PTPN14: variants seen among roughly 807,000 people sequenced by gnomAD.
PTPN14 encodes the protein protein tyrosine phosphatase non-receptor type 14.
Under a neutral mutation model 126.8 loss-of-function variants are expected in PTPN14, and 53 were observed. The ratio of observed to expected loss-of-function variants is 0.42; its 90% CI spans 0.34 to 0.53. The LOEUF (loss-of-function observed/expected upper bound fraction) is 0.53, where lower values mean the gene tolerates loss of function less well. Among genes scored for constraint, PTPN14 ranks in the 20% least tolerant of loss-of-function variants. The pLI, the probability that PTPN14 is intolerant of heterozygous loss-of-function variation, is 0.08. For synonymous variants in PTPN14, 630 were observed against 599.3 expected (o/e 1.05, Z -0.75); for missense variants, 1,257 against 1,552.9 (o/e 0.81, Z 3.20).
At chr1:214,462,572 T>A (rs1484424004) in intron 2 of PTPN14, among the ~76,000 whole-genome samples, 1 of 152,206 alleles carries the variant, frequency 6.6e-6, no homozygotes, top group Non-Finnish European at 1.5e-5. Flanking sequence ...GCTATGTTCA[T>A]CTTCCATCAA....
intron 1 of PTPN14, among the ~76,000 whole-genome samples, chr1:214,537,978 C>A (rs934505589): frequency 1.3e-5 from 2 of 151,944 alleles, no homozygotes; most frequent in African/African-American, 4.8e-5. Context: ...AGATATTTTA[C>A]TTTTTTTTGA....
At chr1:214,423,936 G>A (rs12088748) in intron 3 of PTPN14, among the ~76,000 whole-genome samples, 64,907 of 151,804 alleles carry the variant, frequency 0.43, 14,400 homozygotes, top group East Asian at 0.48. Flanking sequence ...AGCAGAGTTC[G>A]CGCCACTGCA....
At chr1:214,501,343 G>C (rs751741746) in intron 1 of PTPN14, among the ~76,000 whole-genome samples, 13 of 152,092 alleles carry the variant, frequency 8.5e-5, no homozygotes, top group Non-Finnish European at 1.6e-4. Context: ...AGGTTCAAGT[G>C]ATTCTCCTGC....
At chr1:214,390,667 CACA>C (rs1658728065) in intron 11 of PTPN14, among the ~76,000 whole-genome samples, 1 of 152,140 alleles carries the variant, frequency 6.6e-6, no homozygotes, top group East Asian at 1.9e-4. Flanking sequence ...TGTATCTTCA[CACA>C]ACAACCAGAA....
At chr1:214,532,360 CCCGGGGCCTGG>C in intron 1 of PTPN14, 1 of 581,732 alleles carries the variant, frequency 1.7e-6, no homozygotes, top group Non-Finnish European at 3.1e-6. Flanking sequence ...GGCTTGGGGT[CCCGGGGCCTGG>C]CCGCAGGGAT....
rs774726422 is a variant in PTPN14, at chr1:214,364,616, T to C, written c.3331A>G (p.Lys1111Glu). 1.2e-6 allele frequency: 2 copies of C among 1,614,028 alleles called. No homozygotes were observed. The highest frequency in any genetic ancestry group is 1.7e-6 in the Non-Finnish European group (2 of 1,180,018). The change falls in exon 18 of 19, where the codon AAG becomes GAG. Residue 1111 changes from lysine (K) to glutamate (E), a missense_variant. This residue lies in a region of PTPN14 where 171 missense variants were observed against 229.8 expected (regional missense o/e 0.74). Transcript: ENST00000366956. This position sits in a 1 kb window ranked among gnomAD's most constrained non-coding sequence, Gnocchi z 4.1. ...ACCACGATGGGCGGGTGCCGGTTCT[T>C]GGTGCCTTCCAGCATGCTGTTGGTA... Reference protein sequence around the residue: ...RHTNSMLEGTKNRHPPIVVHC... With the variant: ...RHTNSMLEGTENRHPPIVVHC...
At chr1:214,516,899 C>T (rs745818793) in intron 1 of PTPN14, among the ~76,000 whole-genome samples, 4 of 152,120 alleles carry the variant, frequency 2.6e-5, no homozygotes, top group Non-Finnish European at 5.9e-5. Flanking sequence ...ACTCCACCTA[C>T]GCTACGCACC....
chr1:214,372,010 A>T (rs997450225), intron 16 of PTPN14, among the ~76,000 whole-genome samples: 7 of 152,228 alleles, frequency 4.6e-5, no homozygotes, highest in African/African-American at 1.7e-4. Context: ...ATTTAATGAA[A>T]GAAATAAAAG....
chr1:214,402,782 G>T, intron 6 of PTPN14, 101 bp downstream of exon 6: 1 of 1,317,754 alleles, frequency 7.6e-7, no homozygotes, highest in Non-Finnish European at 1.1e-6. Flanking sequence ...CAAGTGTGTT[G>T]GCTCAAGCCC....
chr1:214,409,533 T>TGATCATGGG (rs1170002818), intron 5 of PTPN14, among the ~76,000 whole-genome samples: 2 of 152,094 alleles, frequency 1.3e-5, no homozygotes, highest in Non-Finnish European at 2.9e-5. Context: ...ATCATGGGAG[T>TGATCATGGG]GTAGACATCT....
At chr1:214,473,154 T>A (rs946605935) in intron 1 of PTPN14, among the ~76,000 whole-genome samples, 1 of 125,866 alleles carries the variant, frequency 7.9e-6, no homozygotes, top group Non-Finnish European at 1.8e-5. Flanking sequence ...TTAAAAAAAA[T>A]TTCAAAGTTA....
chr1:214,443,042 C>T (rs1035079713), intron 3 of PTPN14, among the ~76,000 whole-genome samples: 1 of 152,114 alleles, frequency 6.6e-6, no homozygotes, highest in Non-Finnish European at 1.5e-5. Flanking sequence ...AGACTGGTCT[C>T]GAACTCCCGA....
chr1:214,518,838 G>A (rs1655172807), intron 1 of PTPN14, among the ~76,000 whole-genome samples: 1 of 152,228 alleles, frequency 6.6e-6, no homozygotes, highest in Non-Finnish European at 1.5e-5. Context: ...TTTATGTTCA[G>A]GCAGCAAGAT....
chr1:214,377,973 G>A lies in PTPN14; in HGVS notation c.2674C>T (p.Pro892Ser), dbSNP rs1355186250. Residue 892 changes from proline (P) to serine (S), a missense_variant, in exon 14 of 19, where the codon CCC becomes TCC. Around this residue, in one of 3 missense-constraint regions of PTPN14, gnomAD observed 1,021 missense variants for 1,183.3 expected, o/e 0.86. Transcript: ENST00000366956. ...CTGCCACTTACCCTCTCGTCCATGGGAACCCGGGTGGCATCAACTCGATTC... is the reference window on the plus strand; with the variant it reads ...CTGCCACTTACCCTCTCGTCCATGGAAACCCGGGTGGCATCAACTCGATTC... ...EENRVDATRVPMDERFRTLKK... is the reference protein window; with the variant it reads ...EENRVDATRVSMDERFRTLKK... 19 of 1,612,150 alleles carry A rather than the reference G, an allele frequency of 1.2e-5. No individual in the cohort carries two copies. Among genetic ancestry groups the A allele is most frequent in the Non-Finnish European group, 1.6e-5 (19 of 1,179,222 alleles).
chr1:214,540,921 ACT>A (rs1285416252), intron 1 of PTPN14, among the ~76,000 whole-genome samples: 2 of 152,064 alleles, frequency 1.3e-5, no homozygotes, highest in African/African-American at 4.8e-5. Context: ...TTTTGGACAC[ACT>A]CTTAAAAAAA....
In PTPN14 at chr1:214,383,385, G is replaced by C; in HGVS notation, c.2470C>G (p.Pro824Ala). 1 of 1,614,226 alleles carries C rather than the reference G, an allele frequency of 6.2e-7. No individual in the cohort carries two copies. The highest frequency in any genetic ancestry group is 8.5e-7 in the Non-Finnish European group (1 of 1,180,046). ...TCAGACACAGGTCTCTCCTTCACAGGCTCTTTTTTGACCCGCTCCTTCACA... is the reference window on the plus strand; with the variant it reads ...TCAGACACAGGTCTCTCCTTCACAGCCTCTTTTTTGACCCGCTCCTTCACA... ...TSVKERVKKE[P>A]VKERPVSEMF... Residue 824 changes from proline (P) to alanine (A), a missense_variant, in exon 13 of 19, where the codon CCT (proline) becomes GCT (alanine). Pro to Ala is a conservative substitution (Grantham distance 27, BLOSUM62 -1). Around this residue, in one of 3 missense-constraint regions of PTPN14, gnomAD observed 1,021 missense variants for 1,183.3 expected, o/e 0.86. Coordinates refer to ENST00000366956, the MANE Select transcript of PTPN14 (RefSeq NM_005401.5). The surrounding 1 kb of genome is among the most constrained non-coding windows in gnomAD (Gnocchi z 4.4).
chr1:214,364,455 AG>A lies in PTPN14; in HGVS notation c.3435+56del. ...CAAGGGTGCAGGCAAAGGTTTGGCC[AG>A]GGTGTAGACTTGTCCCCAAGGTGGA... On this transcript the variant is annotated intron_variant, in intron 18 of 18. Coordinates refer to ENST00000366956, the MANE Select transcript of PTPN14 (RefSeq NM_005401.5). The surrounding 1 kb of genome is among the most constrained non-coding windows in gnomAD (Gnocchi z 4.1). The A allele has an allele frequency of 6.4e-7, 1 of 1,564,542 alleles. No homozygotes were observed. Among genetic ancestry groups the A allele is most frequent in the Non-Finnish European group, 8.7e-7 (1 of 1,151,372 alleles).
intron 17 of PTPN14, among the ~76,000 whole-genome samples, chr1:214,369,245 T>C (rs1019543383): frequency 6.6e-6 from 1 of 152,230 alleles, no homozygotes; most frequent in Non-Finnish European, 1.5e-5. Context: ...ATCACAGTCT[T>C]AGCTTACGTG....
chr1:214,446,163 T>C (rs1660137237), intron 3 of PTPN14, among the ~76,000 whole-genome samples: 1 of 152,238 alleles, frequency 6.6e-6, no homozygotes, highest in Admixed American at 6.5e-5. Context: ...TTAATCTCTT[T>C]AAATCCTATG....
Sources: allele counts gnomAD v4.1 joint callset (sites outside exome capture counted in the v4.1 genomes callset), GRCh38; gene constraint gnomAD v4.1.1; regional missense constraint gnomAD v4.1.1; non-coding constraint Gnocchi (gnomAD v3.1); transcripts MANE v1.5; gene names NCBI Gene and HGNC (gene_info 2026-07-23, HGNC 2026-07-21).